FCHO2: variants seen among roughly 807,000 people sequenced by gnomAD.
FCHO2 encodes the protein F-BAR domain only protein 2.
A neutral mutation model predicts 114.1 loss-of-function variants in FCHO2; 43 were observed. The observed-to-expected ratio is 0.38, with a 90% CI of 0.30 to 0.49. The LOEUF (loss-of-function observed/expected upper bound fraction) is 0.49. FCHO2 is among the 20% of genes least tolerant of loss of function. The probability of loss-of-function intolerance (pLI) is 0.97; values close to 1 mark genes in which losing one functional copy is unlikely to be tolerated. For synonymous variants in FCHO2, 293 were observed against 315.2 expected (o/e 0.93, Z 0.75); for missense variants, 807 against 950.4 (o/e 0.85, Z 1.98).
chr5:72,988,776 GAATT>G lies in FCHO2; in HGVS notation c.126-649_126-646del, dbSNP rs148061996. Reference sequence around the variant, plus strand: ...GAATAATAAAACTAAGTACAACAAAGAATTATTAAATACAAATGACACACTTATC... The same window carrying G: ...GAATAATAAAACTAAGTACAACAAAGATTAAATACAAATGACACACTTATC... On this transcript the variant is annotated intron_variant, in intron 2 of 25. Transcript: ENST00000430046. Among the ~76,000 whole-genome samples, 1,051 of 152,242 alleles carry G rather than the reference GAATT, an allele frequency of 6.9e-3. 7 individuals carry two copies. The highest frequency in any genetic ancestry group is 0.025 in the African/African-American group (1,027 of 41,550).
intron 1 of FCHO2, among the ~76,000 whole-genome samples, chr5:72,957,853 TTATAA>T (rs1751640998): frequency 6.6e-6 from 1 of 152,228 alleles, no homozygotes; most frequent in Non-Finnish European, 1.5e-5. Context: ...GTCCTTTTTA[TTATAA>T]TATAGTGAGT....
intron 2 of FCHO2, among the ~76,000 whole-genome samples, chr5:72,977,731 C>T (rs949349608): frequency 1.3e-5 from 2 of 152,134 alleles, no homozygotes; most frequent in East Asian, 1.9e-4. Context: ...AGGTTTTCTT[C>T]TAGGGTTTTT....
intron 5 of FCHO2, among the ~76,000 whole-genome samples, chr5:72,992,854 A>G (rs1028009581): frequency 6.6e-6 from 1 of 152,162 alleles, no homozygotes; most frequent in East Asian, 1.9e-4. Context: ...ATGGGTGAGC[A>G]TAAAGTATAA....
intron 9 of FCHO2, among the ~76,000 whole-genome samples, chr5:73,035,383 CA>C (rs1258406288): frequency 6.6e-6 from 1 of 152,106 alleles, no homozygotes; most frequent in African/African-American, 2.4e-5. Context: ...TGTACCACTG[CA>C]CTCCAGCCTG....
At chr5:73,011,531 A>C (rs183861319) in intron 6 of FCHO2, among the ~76,000 whole-genome samples, 1 of 152,106 alleles carries the variant, frequency 6.6e-6, no homozygotes, top group Admixed American at 6.5e-5. Flanking sequence ...ACATGTGCCT[A>C]CATAGGCTTA....
chr5:73,069,650 G>GACATTC (rs1742538348), intron 19 of FCHO2, among the ~76,000 whole-genome samples: 1 of 150,516 alleles, frequency 6.6e-6, no homozygotes, highest in African/African-American at 2.4e-5. Flanking sequence ...AAATACAGAT[G>GACATTC]ACATTCACAT....
intron 5 of FCHO2, among the ~76,000 whole-genome samples, chr5:72,991,281 C>G (rs1283459319): frequency 2.0e-5 from 3 of 152,178 alleles, no homozygotes; most frequent in African/African-American, 7.2e-5. Flanking sequence ...TCAGGTTGGT[C>G]TCGAACTCCT....
chr5:73,030,045 G>GT (rs113431803), intron 8 of FCHO2, among the ~76,000 whole-genome samples: 20,848 of 135,142 alleles, frequency 0.15, 1,732 homozygotes, highest in Middle Eastern at 0.2. Flanking sequence ...CTTTCTTTTT[G>GT]TTTTTTTTTT....
At chr5:73,050,226 GAT>G (rs1415441087) in intron 11 of FCHO2, among the ~76,000 whole-genome samples, 1 of 151,782 alleles carries the variant, frequency 6.6e-6, no homozygotes, top group Non-Finnish European at 1.5e-5. Context: ...TGAATTTGTT[GAT>G]ATGTCTTAAG....
At chr5:73,060,084 C>G (rs536336775) in intron 17 of FCHO2, among the ~76,000 whole-genome samples, 3 of 152,034 alleles carry the variant, frequency 2.0e-5, no homozygotes, top group Middle Eastern at 3.4e-3. Flanking sequence ...CAGTCTCTTT[C>G]ATTTTATAAA....
At chr5:72,996,146 G>A (rs1397068115) in intron 5 of FCHO2, among the ~76,000 whole-genome samples, 3 of 150,604 alleles carry the variant, frequency 2.0e-5, no homozygotes, top group African/African-American at 7.3e-5. Context: ...GGGAGGCTAA[G>A]GCAGGAGAAT....
At chr5:73,058,326 T>C (rs1044702467) in intron 16 of FCHO2, 107 bp from the exon 17 acceptor site, 5 of 703,402 alleles carry the variant, frequency 7.1e-6, no homozygotes, top group African/African-American at 1.8e-5. Context: ...TTTTTAATTA[T>C]GTATATTGAG....
At chr5:72,982,991 G>T (rs1160888246) in intron 2 of FCHO2, among the ~76,000 whole-genome samples, 1 of 150,986 alleles carries the variant, frequency 6.6e-6, no homozygotes, top group Non-Finnish European at 1.5e-5. Flanking sequence ...TCTGCTCACC[G>T]CAAGCTCCGC....
chr5:73,068,684 C>T lies in FCHO2; in HGVS notation c.1484C>T (p.Thr495Ile), dbSNP rs1285771376. 2 of 1,612,350 alleles carry T rather than the reference C, an allele frequency of 1.2e-6. No individual in the cohort carries two copies. The highest frequency in any genetic ancestry group is 3.3e-5 in the Admixed American group (2 of 59,802). The change falls in exon 19 of 26, where the codon ACC (threonine) becomes ATC (isoleucine). Residue 495 changes from threonine to isoleucine, a missense_variant. Thr to Ile is a moderately conservative substitution (Grantham distance 89, BLOSUM62 -1). Coordinates refer to ENST00000430046, the MANE Select transcript of FCHO2 (RefSeq NM_138782.3). ...TTCAGCCCACCTGTAACTTCCAACA[C>T]CAGCCCACCTCCTGCTGCACCATTA... ...RPFSPPVTSNTSPPPAAPLAR... is the reference protein window; with the variant it reads ...RPFSPPVTSNISPPPAAPLAR...
chr5:73,067,679 T>G (rs1025984326), intron 18 of FCHO2, among the ~76,000 whole-genome samples: 38 of 152,158 alleles, frequency 2.5e-4, no homozygotes, highest in African/African-American at 8.9e-4. Context: ...GTTCACAGCT[T>G]TGTATCTAGT....
intron 6 of FCHO2, among the ~76,000 whole-genome samples, chr5:73,006,918 A>G (rs999064433): frequency 3.3e-5 from 5 of 152,178 alleles, no homozygotes; most frequent in Admixed American, 6.5e-5. Context: ...CAAAGAACTT[A>G]CATATTAGTG....
intron 5 of FCHO2, chr5:72,997,142 G>A: frequency 8.9e-7 from 1 of 1,123,072 alleles, no homozygotes; most frequent in Non-Finnish European, 1.4e-6. Context: ...CTCCCACCAT[G>A]ATGGGGTCCT....
At chr5:73,073,705 T>A (rs57783755) in intron 19 of FCHO2, among the ~76,000 whole-genome samples, 42,221 of 151,992 alleles carry the variant, frequency 0.28, 6,157 homozygotes, top group East Asian at 0.44. Context: ...TTTATCAGAA[T>A]TAATATTTAC....
chr5:72,959,127 C>T (rs1751714413), intron 1 of FCHO2, among the ~76,000 whole-genome samples: 1 of 152,052 alleles, frequency 6.6e-6, no homozygotes. Flanking sequence ...ATTTTATTTC[C>T]TGGCTTGGAA....
Sources: allele counts gnomAD v4.1 joint callset (sites outside exome capture counted in the v4.1 genomes callset), GRCh38; gene constraint gnomAD v4.1.1; transcripts MANE v1.5; gene names NCBI Gene and HGNC (gene_info 2026-07-23, HGNC 2026-07-21).